The following RAD23B variants were observed in gnomAD, a reference collection of about 807,000 sequenced individuals.
RAD23B encodes lysine-specific demethylase RAD23B.
RAD23B carries 5 observed loss-of-function variants against 49.1 expected under a neutral mutation model. That is an observed-to-expected ratio of 0.10 (90% CI 0.05 to 0.21). RAD23B has a LOEUF of 0.21. RAD23B is among the 10% of genes least tolerant of loss of function. The probability of loss-of-function intolerance (pLI) is 1.00; values close to 1 mark genes in which losing one functional copy is unlikely to be tolerated. For synonymous variants in RAD23B, 184 were observed against 165.4 expected, an observed-to-expected ratio of 1.11 and a Z score of -0.86; for missense variants, 356 against 486.7, an observed-to-expected ratio of 0.73 and a Z score of 2.53.
chr9:107,309,822 T>C (rs1826853252), intron 4 of RAD23B, among the ~76,000 whole-genome samples: 1 of 150,786 alleles, frequency 6.6e-6, no homozygotes, highest in Non-Finnish European at 1.5e-5. Flanking sequence ...TCCCAGGTAC[T>C]CAGGAGGCTG....
Position 107,318,262 on chromosome 9 carries a change from T to C in RAD23B, c.554-490T>C, listed in dbSNP as rs1194867406. Among the ~76,000 whole-genome samples, 1 of 152,140 alleles carries C rather than the reference T, an allele frequency of 6.6e-6. No homozygotes were observed. The highest frequency in any genetic ancestry group is 1.5e-5 in the Non-Finnish European group (1 of 68,012). On this transcript the variant is annotated intron_variant, in intron 5 of 9. Coordinates refer to ENST00000358015, the MANE Select transcript of RAD23B (RefSeq NM_002874.5). This position sits in a 1 kb window ranked among gnomAD's most constrained non-coding sequence, Gnocchi z 4.3. ...GGAGCCGGCATTCCTTTTTGGAGAC[T>C]CCGGGGAAGAATTTTTTTCCTGATC...
Position 107,283,612 on chromosome 9 carries a change from G to A in RAD23B, c.-18G>A. 6.8e-7 allele frequency: 1 copy of A among 1,471,342 alleles called. No individual in the cohort carries two copies. Among genetic ancestry groups the A allele is most frequent in the Non-Finnish European group, 9.0e-7 (1 of 1,108,614 alleles). 91.1% of individuals were successfully genotyped at this position (1,471,342 alleles called of 1,614,324 possible). ...AGCACCCGGCGCAGGCCCGGCAGCC[G>A]AGCTGCGCGGCGGCACCATGCAGGT... On this transcript the variant is annotated 5_prime_UTR_variant, in exon 1 of 10. Coordinates refer to ENST00000358015, the MANE Select transcript of RAD23B (RefSeq NM_002874.5).
intron 1 of RAD23B, among the ~76,000 whole-genome samples, chr9:107,285,497 T>G (rs888356155): frequency 6.6e-6 from 1 of 152,224 alleles, no homozygotes; most frequent in Non-Finnish European, 1.5e-5. Flanking sequence ...TGTCAACAGC[T>G]CCACTGAAGT....
At chr9:107,302,850 G>A (rs1469106533) in intron 3 of RAD23B, among the ~76,000 whole-genome samples, 1 of 151,882 alleles carries the variant, frequency 6.6e-6, no homozygotes, top group Non-Finnish European at 1.5e-5. Context: ...TAGAGACAGG[G>A]TTTCACCGTG....
chr9:107,304,397 G>T (rs72738204), intron 3 of RAD23B, among the ~76,000 whole-genome samples: 8,982 of 152,222 alleles, frequency 0.059, 382 homozygotes, highest in South Asian at 0.12. Context: ...AGTTTATCCA[G>T]AATAACTGAA....
At chr9:107,326,333 T>C (rs1249562649) in intron 9 of RAD23B, among the ~76,000 whole-genome samples, 1 of 150,796 alleles carries the variant, frequency 6.6e-6, no homozygotes, top group Non-Finnish European at 1.5e-5. Context: ...CAAAAAAAAT[T>C]AGCCAGGCGT....
chr9:107,317,243 T>G (rs1260780338), intron 5 of RAD23B, among the ~76,000 whole-genome samples: 1 of 151,964 alleles, frequency 6.6e-6, no homozygotes, highest in Non-Finnish European at 1.5e-5. Flanking sequence ...CAGTAGAGAA[T>G]GAAGAGATGG....
intron 3 of RAD23B, among the ~76,000 whole-genome samples, 165 bp downstream of exon 3, chr9:107,302,279 T>C (rs1826670589): frequency 6.6e-6 from 1 of 152,198 alleles, no homozygotes; most frequent in African/African-American, 2.4e-5. Context: ...CATAAAGTTA[T>C]TAATGTTTTA....
chr9:107,302,141 CTT>C lies in RAD23B; in HGVS notation c.228+29_228+30del. 1.9e-6 allele frequency: 3 copies of C among 1,609,512 alleles called. No homozygotes were observed. The South Asian group carries it at 3.3e-5, about 18-fold the overall frequency. On this transcript the variant is annotated intron_variant, in intron 3 of 9. Transcript: ENST00000358015. ...TAAGTTTCAACCTCATTCTGTATATCTTTATGCATGTAGGTCTTTTTAAAAAT... is the reference window on the plus strand; with the variant it reads ...TAAGTTTCAACCTCATTCTGTATATCTATGCATGTAGGTCTTTTTAAAAAT...
chr9:107,283,371 G>A lies in RAD23B; in HGVS notation c.-259G>A. 1 of 427,926 alleles carries A rather than the reference G, an allele frequency of 2.3e-6. No individual in the cohort carries two copies. The highest frequency in any genetic ancestry group is 4.1e-6 in the Non-Finnish European group (1 of 246,068). 26.5% of individuals were successfully genotyped at this position (427,926 alleles called of 1,614,324 possible). A position where few individuals can be genotyped will look rare whatever the true frequency, so the allele number is the denominator to read the frequency against. ...CCTCGCGCCTTCTGCAGACTCCGTG[G>A]CTGGCGCTCGGCGCGTGAGGAAGCA... is the stretch of plus-strand genomic sequence containing the variant. On this transcript the variant is annotated 5_prime_UTR_variant, in exon 1 of 10. Coordinates refer to ENST00000358015, the MANE Select transcript of RAD23B (RefSeq NM_002874.5).
Position 107,332,111 on chromosome 9 carries a change from G to A in RAD23B, c.*2455G>A, listed in dbSNP as rs545356163. 4.9e-4 allele frequency: 104 copies of A among 212,274 alleles called. No individual in the cohort carries two copies. Among genetic ancestry groups the A allele is most frequent in the Non-Finnish European group, 8.2e-4 (89 of 108,442 alleles). The allele number at this position is 212,274 out of a possible 1,614,324, so 13.1% of individuals were successfully genotyped here. On this transcript the variant is annotated 3_prime_UTR_variant, in exon 10 of 10. Coordinates refer to ENST00000358015, the MANE Select transcript of RAD23B (RefSeq NM_002874.5). Reference sequence around the variant, plus strand: ...ATTTTTTTTCATTGTTTAAAAATACGGAAGTGTTCCAATATAATTTTTTCC... The same window carrying A: ...ATTTTTTTTCATTGTTTAAAAATACAGAAGTGTTCCAATATAATTTTTTCC...
intron 5 of RAD23B, among the ~76,000 whole-genome samples, chr9:107,314,975 C>T (rs1053113186): frequency 6.6e-6 from 1 of 152,092 alleles, no homozygotes; most frequent in Non-Finnish European, 1.5e-5. Context: ...GTTTTTTGCC[C>T]ACTTTTTAAT....
intron 5 of RAD23B, among the ~76,000 whole-genome samples, chr9:107,312,331 A>G (rs1826904478): frequency 6.6e-6 from 1 of 152,074 alleles, no homozygotes; most frequent in South Asian, 2.1e-4. Context: ...TTGGCTGGCA[A>G]CTCCATTCCT....
chr9:107,314,389 C>G (rs1299185068), intron 5 of RAD23B, among the ~76,000 whole-genome samples: 2 of 152,150 alleles, frequency 1.3e-5, no homozygotes. Flanking sequence ...TTATTCCACT[C>G]TATATGATGT....
intron 1 of RAD23B, chr9:107,284,743 AAGT>A: frequency 2.7e-6 from 3 of 1,119,082 alleles, no homozygotes; most frequent in South Asian, 4.4e-5. Context: ...CTATTTTTAA[AAGT>A]AGTTGATTCT....
At chr9:107,285,391 A>G (rs17195974) in intron 1 of RAD23B, among the ~76,000 whole-genome samples, 4,749 of 152,330 alleles carry the variant, frequency 0.031, 179 homozygotes, top group East Asian at 0.19. Flanking sequence ...TAATCGGCTT[A>G]TAATACTCAG....
chr9:107,297,035 G>C (rs1826541038), intron 1 of RAD23B, among the ~76,000 whole-genome samples: 1 of 151,544 alleles, frequency 6.6e-6, no homozygotes, highest in Admixed American at 6.6e-5. Context: ...TTTTATTTCA[G>C]TAGAGACGGG....
rs1833200219 is a variant in RAD23B at position 107,283,557 on chromosome 9, C to T, written c.-73C>T. The stretch of plus-strand genomic sequence containing the variant: ...GAGGAGCGCGGGCGACCCCGGGGCC[C>T]CGCCAGGCCACAGACCCCGCCCAGC... On this transcript the variant is annotated 5_prime_UTR_variant, in exon 1 of 10. Coordinates refer to ENST00000358015, the MANE Select transcript of RAD23B (RefSeq NM_002874.5). The T allele has an allele frequency of 8.9e-6, 11 of 1,242,590 alleles. No homozygotes were observed. The South Asian group carries it at 1.9e-4, about 22-fold the overall frequency. The allele number at this position is 1,242,590 out of a possible 1,614,324, so 77.0% of individuals were successfully genotyped here.
At chr9:107,322,254 G>A in intron 7 of RAD23B, 136 bp downstream of exon 7, 2 of 1,107,960 alleles carry the variant, frequency 1.8e-6, no homozygotes, top group Non-Finnish European at 2.4e-6. Flanking sequence ...CTTCACTAAT[G>A]TTTGAGAAAG....
Sources: gnomAD v4.1 joint callset for allele counts (sites outside exome capture counted in the v4.1 genomes callset) on GRCh38, gnomAD v4.1.1 for gene constraint, Gnocchi (gnomAD v3.1) non-coding constraint, MANE v1.5 for transcripts, NCBI Gene and HGNC (gene_info 2026-07-23, HGNC 2026-07-21) for gene names.